Variants in TGFB1 observed in about 807,000 individuals in gnomAD.
The protein encoded by TGFB1 is transforming growth factor beta-1 proprotein.
TGFB1 carries 19 observed loss-of-function variants against 43.8 expected under a neutral mutation model. The observed-to-expected ratio is 0.43, with a 90% CI of 0.30 to 0.64. The LOEUF is 0.64. Ranked by LOEUF, TGFB1 falls within the 30% of genes least tolerant of loss-of-function variation. The pLI is 0.11. For missense variants in TGFB1, 445 were observed against 529.8 expected (o/e 0.84, Z 1.57); for synonymous variants, 221 against 236.3 (o/e 0.94, Z 0.60).
chr19:41,334,555 G>A (rs1375651772), intron 5 of TGFB1, among the ~76,000 whole-genome samples: 1 of 150,056 alleles, frequency 6.7e-6, no homozygotes, highest in African/African-American at 2.5e-5. Context: ...GGTGGCTCAC[G>A]CCTGTCATCC....
intron 2 of TGFB1, among the ~76,000 whole-genome samples, chr19:41,347,944 C>T (rs2038135489): frequency 6.6e-6 from 1 of 151,122 alleles, no homozygotes; most frequent in South Asian, 2.1e-4. Context: ...CCATCCTGGC[C>T]AACATGGTAA....
At chr19:41,343,980 C>A (rs868315578) in intron 3 of TGFB1, among the ~76,000 whole-genome samples, 1 of 98,626 alleles carries the variant, frequency 1.0e-5, no homozygotes. Flanking sequence ...TGCCTGGAAT[C>A]TTTTTTTTTT....
intron 1 of TGFB1, among the ~76,000 whole-genome samples, 170 bp from the exon 2 acceptor site, chr19:41,348,625 ATT>A (rs1172633485): frequency 7.1e-6 from 1 of 141,540 alleles, no homozygotes; most frequent in Admixed American, 7.3e-5. Context: ...ATTTAAATGA[ATT>A]TTTTTTTTTT....
intron 2 of TGFB1, among the ~76,000 whole-genome samples, chr19:41,345,468 G>A (rs1298923547): frequency 6.6e-6 from 1 of 152,194 alleles, no homozygotes; most frequent in Non-Finnish European, 1.5e-5. Flanking sequence ...CTGCACTCCA[G>A]CCTGGGCGAC....
intron 1 of TGFB1, among the ~76,000 whole-genome samples, chr19:41,352,414 A>G (rs1207963184): frequency 7.9e-6 from 1 of 126,010 alleles, no homozygotes; most frequent in Non-Finnish European, 1.6e-5. Context: ...GTCTCCCTCT[A>G]GGGGACTGCC....
At chr19:41,348,869 G>A (rs958149207) in intron 1 of TGFB1, among the ~76,000 whole-genome samples, 4 of 152,054 alleles carry the variant, frequency 2.6e-5, no homozygotes, top group East Asian at 3.9e-4. Flanking sequence ...TGATCCACCC[G>A]CCTCGGCCTC....
rs2038229746 is a variant in TGFB1 at position 41,352,958 on chromosome 19, T to A, written c.87A>T (p.Gly29=). 6.5e-7 allele frequency: 1 copy of A among 1,548,604 alleles called. No homozygotes were observed. Residue 29 remains glycine, a synonymous_variant, in exon 1 of 7, where the codon GGA becomes GGT. Coordinates refer to ENST00000221930, the MANE Select transcript of TGFB1 (RefSeq NM_000660.7). ...TGTCGATAGTCTTGCAGGTGGATAG[T>A]CCCGCGGCCGGCCGGCCAGGCGTCA... The part of the protein sequence containing the change: ...LVLTPGRPAA[G]LSTCKTIDME...
intron 5 of TGFB1, among the ~76,000 whole-genome samples, chr19:41,332,495 T>C (rs750844744): frequency 6.6e-6 from 1 of 152,176 alleles, no homozygotes; most frequent in Non-Finnish European, 1.5e-5. Flanking sequence ...AAGAGCAATG[T>C]AATAATTAAT....
chr19:41,339,975 GAGGAAT>G (rs1272140541), intron 5 of TGFB1, among the ~76,000 whole-genome samples: 1 of 152,124 alleles, frequency 6.6e-6, no homozygotes, highest in Non-Finnish European at 1.5e-5. Flanking sequence ...TTAAGCAAGG[GAGGAAT>G]AAGGTCAGAT....
At chr19:41,349,876 A>C (rs534867554) in intron 1 of TGFB1, among the ~76,000 whole-genome samples, 1 of 152,286 alleles carries the variant, frequency 6.6e-6, no homozygotes, top group East Asian at 1.9e-4. Flanking sequence ...TACCCGTTTA[A>C]TAGATGAGAA....
At chr19:41,331,993 C>T in intron 6 of TGFB1, 135 bp downstream of exon 6, 1 of 1,212,000 alleles carries the variant, frequency 8.3e-7, no homozygotes, top group Non-Finnish European at 1.2e-6. Context: ...TTTATTCATT[C>T]CCCTCCCCAC....
At chr19:41,336,822 T>C (rs971165446) in intron 5 of TGFB1, among the ~76,000 whole-genome samples, 10 of 152,170 alleles carry the variant, frequency 6.6e-5, no homozygotes, top group African/African-American at 2.4e-4. Flanking sequence ...AATTCCTTGA[T>C]ATCTAGAGGA....
Position 41,348,345 on chromosome 19 carries a change from G to T in TGFB1, c.466C>A (p.Arg156Ser). 6.2e-7 allele frequency: 1 copy of T among 1,613,554 alleles called. No individual in the cohort carries two copies. Among genetic ancestry groups the T allele is most frequent in the Non-Finnish European group, 8.5e-7 (1 of 1,179,848 alleles). Residue 156 changes from arginine (R) to serine (S), a missense_variant, in exon 2 of 7, where the codon CGT (arginine) becomes AGT (serine). This residue lies in a region of TGFB1 where 366 missense variants were observed against 428.8 expected (regional missense o/e 0.85). Transcript: ENST00000221930. ...EPVLLSRAEL[R>S]LLRLKLKVEQ... ...ACTTTTAACTTGAGCCTCAGCAGAC[G>T]CAGCTCTGCCCGGGAGAGCAACACG...
intron 6 of TGFB1, among the ~76,000 whole-genome samples, chr19:41,331,876 C>T: frequency 6.6e-6 from 1 of 151,696 alleles, no homozygotes; most frequent in Non-Finnish European, 1.5e-5. Flanking sequence ...CTCTTCTCCC[C>T]TTCACCCCCA....
chr19:41,347,714 G>C (rs1420387127), intron 2 of TGFB1, among the ~76,000 whole-genome samples: 2 of 151,280 alleles, frequency 1.3e-5, no homozygotes, highest in Non-Finnish European at 2.9e-5. Context: ...TGTAATCCCA[G>C]CTACTCGGGT....
intron 1 of TGFB1, 54 bp from the exon 2 acceptor site, chr19:41,348,509 G>C: frequency 3.8e-6 from 6 of 1,593,476 alleles, no homozygotes; most frequent in African/African-American, 1.3e-5. Context: ...GGTGAGGGGA[G>C]CTGGTGCTCC....
chr19:41,331,352 GT>G, intron 6 of TGFB1, 142 bp from the exon 7 acceptor site: 1 of 1,035,124 alleles, frequency 9.7e-7, no homozygotes, highest in Non-Finnish European at 1.3e-6. Context: ...CTCCAATTCG[GT>G]CTCTCTTATC....
At chr19:41,342,417 A>G (rs1268927501) in intron 3 of TGFB1, among the ~76,000 whole-genome samples, 170 bp from the exon 4 acceptor site, 1 of 133,002 alleles carries the variant, frequency 7.5e-6, no homozygotes, top group African/African-American at 2.9e-5. Flanking sequence ...TTTTTTTGAG[A>G]CAAGGTCTCG....
intron 1 of TGFB1, among the ~76,000 whole-genome samples, chr19:41,348,782 C>T (rs1419285423): frequency 6.6e-6 from 1 of 151,884 alleles, no homozygotes; most frequent in East Asian, 1.9e-4. Context: ...TGCCACCATG[C>T]CCAGCTAATT....
Sources: allele counts gnomAD v4.1 joint callset (sites outside exome capture counted in the v4.1 genomes callset), GRCh38; gene constraint gnomAD v4.1.1; regional missense constraint gnomAD v4.1.1; transcripts MANE v1.5; gene names NCBI Gene and HGNC (gene_info 2026-07-23, HGNC 2026-07-21).